The following EFCAB13 variants were observed in gnomAD, a reference collection of about 807,000 sequenced individuals.
EFCAB13 encodes the protein EF-hand calcium binding domain 13.
A neutral mutation model predicts 110.2 loss-of-function variants in EFCAB13; 91 were observed. The ratio of observed to expected loss-of-function variants is 0.83; its 90% CI spans 0.70 to 0.98. EFCAB13 has a LOEUF of 0.98. Among genes scored for constraint, EFCAB13 ranks in the 50% least tolerant of loss-of-function variants. The probability of loss-of-function intolerance (pLI) is 0.00; values close to 1 mark genes in which losing one functional copy is unlikely to be tolerated. For synonymous variants in EFCAB13, 323 were observed against 369.9 expected (o/e 0.87, Z 1.45); for missense variants, 968 against 1,119.4 (o/e 0.86, Z 1.93).
intron 9 of EFCAB13, among the ~76,000 whole-genome samples, chr17:47,354,700 G>T (rs1451033658): frequency 1.3e-5 from 2 of 152,066 alleles, no homozygotes; most frequent in African/African-American, 4.8e-5. Context: ...CTTGCTTTTG[G>T]TGTCCATTTG....
chr17:47,344,944 G>T, intron 7 of EFCAB13, 72 bp from the exon 8 acceptor site: 2 of 1,147,622 alleles, frequency 1.7e-6, no homozygotes. Flanking sequence ...CTATTGGTAA[G>T]TTTGCTAATA....
chr17:47,366,990 C>G (rs548030753), intron 10 of EFCAB13, among the ~76,000 whole-genome samples: 4 of 152,172 alleles, frequency 2.6e-5, no homozygotes, highest in African/African-American at 9.7e-5. Flanking sequence ...TTTCAGTGAT[C>G]AGATTCAAGA....
Position 47,423,721 on chromosome 17 carries a change from C to T in EFCAB13, c.2495-6097C>T, listed in dbSNP as rs534784349. On this transcript the variant is annotated intron_variant, in intron 23 of 24. Coordinates refer to ENST00000331493, the MANE Select transcript of EFCAB13 (RefSeq NM_152347.5). ...TTGGGGCGCCGGGACCCGCGGGCGC[C>T]GGCAGGGGCGTTCCCGGGCGCACGG... 1.5e-4 allele frequency among the ~76,000 whole-genome samples: 23 copies of T among 151,894 alleles called. 2 individuals carry two copies. In the South Asian group the frequency reaches 4.6e-3, roughly 30 times the overall value.
intron 23 of EFCAB13, chr17:47,423,565 G>A (rs1904803273): frequency 3.1e-6 from 1 of 318,736 alleles, no homozygotes; most frequent in Non-Finnish European, 5.7e-6. Context: ...CGGCTGCCGA[G>A]GGAACGCCTT....
chr17:47,343,704 A>T (rs1436345296), intron 6 of EFCAB13, among the ~76,000 whole-genome samples: 1 of 152,136 alleles, frequency 6.6e-6, no homozygotes, highest in East Asian at 1.9e-4. Flanking sequence ...TCATGTTTAT[A>T]CATGCAATCT....
intron 14 of EFCAB13, among the ~76,000 whole-genome samples, chr17:47,388,200 A>C (rs572744718): frequency 6.6e-6 from 1 of 152,302 alleles, no homozygotes; most frequent in African/African-American, 2.4e-5. Context: ...CTTTGGGTTG[A>C]TTCAGGAATG....
At chr17:47,416,904 C>T (rs1472610803) in intron 23 of EFCAB13, among the ~76,000 whole-genome samples, 1 of 151,988 alleles carries the variant, frequency 6.6e-6, no homozygotes, top group African/African-American at 2.4e-5. Flanking sequence ...TCCAAAAGTC[C>T]AAGGGTAAGT....
intron 14 of EFCAB13, among the ~76,000 whole-genome samples, chr17:47,383,675 TG>T (rs1419085227): frequency 1.7e-4 from 26 of 152,220 alleles, no homozygotes; most frequent in Admixed American, 6.5e-5. Flanking sequence ...TTGCATTTGC[TG>T]AGGAGTATTT....
Position 47,328,278 on chromosome 17 carries a change from T to C in EFCAB13, c.-76T>C. On this transcript the variant is annotated 5_prime_UTR_variant, in exon 4 of 25. Transcript: ENST00000331493. The stretch of plus-strand genomic sequence containing the variant: ...TCTCTTTTTTTGGCAGGAAATCCTT[T>C]TGTACTATTGCTCATTCATACTTGT... The C allele has an allele frequency of 4.8e-6, 6 of 1,259,856 alleles. No individual in the cohort carries two copies. The Middle Eastern group carries it at 9.4e-4, about 198-fold the overall frequency. 78.0% of individuals were successfully genotyped at this position (1,259,856 alleles called of 1,614,324 possible). A position where few individuals can be genotyped will look rare whatever the true frequency, so the allele number is the denominator to read the frequency against.
chr17:47,374,702 C>T lies in EFCAB13; in HGVS notation c.1108C>T (p.Leu370=). 1 of 1,612,894 alleles carries T rather than the reference C, an allele frequency of 6.2e-7. No homozygotes were observed. The highest frequency in any genetic ancestry group is 1.1e-5 in the South Asian group (1 of 90,650). ...PKNTWQIRKF[L]GGVGSSNVGV... Reference sequence around the variant, plus strand: ...AAATACTTGGCAAATAAGAAAATTTCTGGGTGGGGTTGGCAGCAGTAATGT... The same window carrying T: ...AAATACTTGGCAAATAAGAAAATTTTTGGGTGGGGTTGGCAGCAGTAATGT... The change falls in exon 12 of 25, where the codon CTG becomes TTG. Residue 370 remains leucine (L), a synonymous_variant. Transcript: ENST00000331493.
intron 10 of EFCAB13, among the ~76,000 whole-genome samples, chr17:47,366,803 A>G (rs376325652): frequency 6.6e-6 from 1 of 152,196 alleles, no homozygotes; most frequent in African/African-American, 2.4e-5. Context: ...TATTGCATAG[A>G]TGCAAGGAAT....
intron 17 of EFCAB13, among the ~76,000 whole-genome samples, chr17:47,400,925 T>C (rs1226022721): frequency 6.6e-6 from 1 of 152,190 alleles, no homozygotes; most frequent in African/African-American, 2.4e-5. Context: ...TTGACTGATG[T>C]GAAGCTAGTG....
chr17:47,395,880 G>A lies in EFCAB13; in HGVS notation c.1848G>A (p.Thr616=), dbSNP rs746079946. The change falls in exon 17 of 25, where the codon ACG becomes ACA. Residue 616 remains threonine, a synonymous_variant. Coordinates refer to ENST00000331493, the MANE Select transcript of EFCAB13 (RefSeq NM_152347.5). ...IETLDDLRKE[T]MSVSDLWNTL... The stretch of plus-strand genomic sequence containing the variant: ...CCCTCGACGATCTCAGAAAGGAGAC[G>A]ATGAGTGTTTCTGACCTGTGGAATA... 1.9e-5 allele frequency: 31 copies of A among 1,610,112 alleles called. No homozygotes were observed. The highest frequency in any genetic ancestry group is 1.3e-4 in the East Asian group (6 of 44,836).
At chr17:47,439,900 C>G (rs1905284848) in intron 24 of EFCAB13, among the ~76,000 whole-genome samples, 1 of 151,878 alleles carries the variant, frequency 6.6e-6, no homozygotes, top group South Asian at 2.1e-4. Context: ...CAGTATCACT[C>G]TCAATGAGAA....
intron 5 of EFCAB13, among the ~76,000 whole-genome samples, chr17:47,338,968 AATAT>A (rs898640740): frequency 1.4e-4 from 22 of 152,112 alleles, no homozygotes; most frequent in Admixed American, 9.2e-4. Context: ...AGAAACAATA[AATAT>A]ATATAATTTT....
intron 23 of EFCAB13, among the ~76,000 whole-genome samples, chr17:47,420,826 C>T (rs1904662536): frequency 6.6e-6 from 1 of 151,874 alleles, no homozygotes; most frequent in Non-Finnish European, 1.5e-5. Flanking sequence ...GGGGGTCAGC[C>T]CCCACCAGGC....
At chr17:47,344,065 G>T (rs2065400959) in intron 6 of EFCAB13, 97 bp from the exon 7 acceptor site, 2 of 1,338,086 alleles carry the variant, frequency 1.5e-6, no homozygotes, top group East Asian at 5.0e-5. Context: ...AGGAGCCAAG[G>T]TATGATTAAT....
chr17:47,343,532 C>T (rs534039022), intron 6 of EFCAB13, among the ~76,000 whole-genome samples: 1 of 152,058 alleles, frequency 6.6e-6, no homozygotes, highest in East Asian at 1.9e-4. Flanking sequence ...AGTACCAATT[C>T]CTGTCAATCT....
chr17:47,328,189 A>C (rs2065298587), intron 3 of EFCAB13, 80 bp from the exon 4 acceptor site: 1 of 697,856 alleles, frequency 1.4e-6, no homozygotes, highest in East Asian at 2.5e-5. Flanking sequence ...TACATTGAAG[A>C]GATAACTTCA....
Sources: gnomAD v4.1 joint callset for allele counts (sites outside exome capture counted in the v4.1 genomes callset) on GRCh38, gnomAD v4.1.1 for gene constraint, MANE v1.5 for transcripts, NCBI Gene and HGNC (gene_info 2026-07-23, HGNC 2026-07-21) for gene names.